Variants in MGST1 observed in about 807,000 individuals in gnomAD.
MGST1 encodes glutathione S-transferase 12.
Under a neutral mutation model 8.9 loss-of-function variants are expected in MGST1, and 5 were observed. The ratio of observed to expected loss-of-function variants is 0.56; its 90% CI spans 0.29 to 1.19. MGST1 has a LOEUF of 1.19. Ranked by LOEUF, MGST1 falls within the 50% of genes most tolerant of loss-of-function variation. The pLI is 0.08. For missense variants in MGST1, 182 were observed against 187.4 expected (o/e 0.97, Z 0.17); for synonymous variants, 54 against 67.8 (o/e 0.80, Z 1.00).
At chr12:16,393,523 A>G (rs1453747197) in intron 1 of MGST1, among the ~76,000 whole-genome samples, 1 of 152,222 alleles carries the variant, frequency 6.6e-6, no homozygotes, top group Non-Finnish European at 1.5e-5. Context: ...GGGAAAAACC[A>G]CAGATTTGGA....
chr12:16,544,297 G>T lies in MGST1; in HGVS notation n.483-45231G>T, dbSNP rs1222317480. ...ACCTACTAGTCAATCTGCCTGCATT[G>T]CATCAGGGTCTATAAAAGCTATGGG... On this transcript the variant is annotated intron_variant and non_coding_transcript_variant, in intron 4 of 4. Coordinates refer to the MGST1 transcript ENST00000538857. This position sits in a 1 kb window ranked among gnomAD's most constrained non-coding sequence, Gnocchi z 4.8. 6.7e-6 allele frequency among the ~76,000 whole-genome samples: 1 copy of T among 149,348 alleles called. No individual in the cohort carries two copies. Among genetic ancestry groups the T allele is most frequent in the Non-Finnish European group, 1.5e-5 (1 of 67,570 alleles).
chr12:16,415,943 C>A (rs1472878194), intron 1 of MGST1, among the ~76,000 whole-genome samples: 1 of 151,984 alleles, frequency 6.6e-6, no homozygotes, highest in Non-Finnish European at 1.5e-5. Flanking sequence ...ATATTTGCAG[C>A]CATAATCAAG....
chr12:16,525,411 G>A (rs1483175447), intron 4 of MGST1, among the ~76,000 whole-genome samples: 1 of 151,090 alleles, frequency 6.6e-6, no homozygotes, highest in Non-Finnish European at 1.5e-5. Flanking sequence ...TTTTGTTCTT[G>A]CGATAGTTTA....
chr12:16,403,896 C>T (rs370850945), intron 1 of MGST1, among the ~76,000 whole-genome samples: 14 of 152,092 alleles, frequency 9.2e-5, no homozygotes, highest in African/African-American at 3.4e-4. Context: ...GATTCAATTA[C>T]CTCTACTGAT....
intron 4 of MGST1, among the ~76,000 whole-genome samples, chr12:16,545,469 G>C (rs960064286): frequency 1.3e-5 from 2 of 151,820 alleles, no homozygotes; most frequent in African/African-American, 4.8e-5. Flanking sequence ...TCATCTTCTG[G>C]AAGTTTTAAA....
chr12:16,444,158 G>C (rs1941060364), intron 4 of MGST1, among the ~76,000 whole-genome samples: 1 of 150,864 alleles, frequency 6.6e-6, no homozygotes, highest in African/African-American at 2.4e-5. Flanking sequence ...GATGACAAAG[G>C]CTGACAGGTC....
chr12:16,360,130 A>G (rs1025057641), intron 3 of MGST1, among the ~76,000 whole-genome samples: 2 of 152,086 alleles, frequency 1.3e-5, no homozygotes, highest in South Asian at 4.1e-4. Context: ...GAGCGTCTCC[A>G]ACAGAGCGGA....
chr12:16,434,476 T>G, intron 1 of MGST1, among the ~76,000 whole-genome samples: 1 of 151,694 alleles, frequency 6.6e-6, no homozygotes, highest in Non-Finnish European at 1.5e-5. Context: ...CCGTTCAATT[T>G]TTAACATGCT....
At chr12:16,378,472 T>C (rs1421248561), downstream of MGST1, among the ~76,000 whole-genome samples, 1 of 152,210 alleles carries the variant, frequency 6.6e-6, no homozygotes, top group Non-Finnish European at 1.5e-5. Flanking sequence ...TGTGGCATTA[T>C]TTCTGAGGGC....
intron 4 of MGST1, among the ~76,000 whole-genome samples, chr12:16,502,458 A>AT (rs1210188686): frequency 6.6e-6 from 1 of 152,264 alleles, no homozygotes; most frequent in South Asian, 2.1e-4. Flanking sequence ...ACCATTTACC[A>AT]TTTATTGAGG....
chr12:16,492,674 T>A lies in MGST1; in HGVS notation n.483-96854T>A, dbSNP rs141247999. ...CTGCTATCTGTTCAAAATCAGCTAC[T>A]GTCATAGCTAGACTATCACTAAAGA... On this transcript the variant is annotated intron_variant and non_coding_transcript_variant, in intron 4 of 4. Transcript: ENST00000538857. Among the ~76,000 whole-genome samples, 124 of 152,314 alleles carry A rather than the reference T, an allele frequency of 8.1e-4. 1 individual carries two copies. In the East Asian group the frequency reaches 0.022, roughly 27 times the overall value.
chr12:16,359,405 G>A (rs1250709541), intron 3 of MGST1, among the ~76,000 whole-genome samples: 1 of 152,184 alleles, frequency 6.6e-6, no homozygotes, highest in Non-Finnish European at 1.5e-5. Flanking sequence ...AGAAGTCTGT[G>A]CAGATACTTA....
chr12:16,411,645 A>G (rs930219697), intron 1 of MGST1, among the ~76,000 whole-genome samples: 3 of 152,194 alleles, frequency 2.0e-5, no homozygotes, highest in African/African-American at 7.2e-5. Flanking sequence ...AAATCCTAGT[A>G]TGAACAGTGT....
At chr12:16,376,424 A>G (rs1940381542) in exon 4 of MGST1, 1 of 272,494 alleles carries the variant, frequency 3.7e-6, no homozygotes, top group Non-Finnish European at 6.8e-6. Context: ...AATTTTGAAT[A>G]CAAATTTAAA....
intron 4 of MGST1, among the ~76,000 whole-genome samples, chr12:16,534,576 TA>T (rs1311315631): frequency 2.0e-5 from 3 of 152,190 alleles, no homozygotes; most frequent in Admixed American, 6.5e-5. Flanking sequence ...GATGCCTATT[TA>T]AAGAGCTAGA....
chr12:16,400,156 T>A (rs12818127), intron 1 of MGST1: 1 of 1,314,698 alleles, frequency 7.6e-7, no homozygotes, highest in South Asian at 1.2e-5. Context: ...ATCTCGGTCA[T>A]GCATATGTTG....
At chr12:16,461,088 A>C (rs777140868) in intron 4 of MGST1, among the ~76,000 whole-genome samples, 14 of 151,942 alleles carry the variant, frequency 9.2e-5, no homozygotes, top group Non-Finnish European at 2.1e-4. Flanking sequence ...ACAACAACAA[A>C]GACTATAGAG....
chr12:16,506,268 G>C (rs974258505), intron 4 of MGST1, among the ~76,000 whole-genome samples: 1 of 152,174 alleles, frequency 6.6e-6, no homozygotes, highest in Non-Finnish European at 1.5e-5. Context: ...GGGATCAGGA[G>C]AGAGCAACAC....
chr12:16,508,133 C>G (rs1384717937), intron 4 of MGST1, among the ~76,000 whole-genome samples: 1 of 152,070 alleles, frequency 6.6e-6, no homozygotes, highest in Non-Finnish European at 1.5e-5. Context: ...AGGAACCATG[C>G]CTTGATTATC....
Sources: allele counts gnomAD v4.1 joint callset (sites outside exome capture counted in the v4.1 genomes callset), GRCh38; gene constraint gnomAD v4.1.1; non-coding constraint Gnocchi (gnomAD v3.1); transcripts MANE v1.5; gene names NCBI Gene and HGNC (gene_info 2026-07-23, HGNC 2026-07-21).